Variants in SDK1 observed in about 807,000 individuals in gnomAD.
The protein encoded by SDK1 is protein sidekick-1.
In SDK1, 157 loss-of-function variants were observed where a neutral mutation model predicts 245.5. The observed-to-expected ratio is 0.64, with a 90% CI of 0.56 to 0.73. The LOEUF is 0.73. SDK1 is among the 30% of genes least tolerant of loss of function. SDK1 has a pLI of 0.00. For missense variants in SDK1, 3,583 were observed against 3,002.3 expected, an observed-to-expected ratio of 1.19 and a Z score of -4.52; for synonymous variants, 1,647 against 1,278.5, an observed-to-expected ratio of 1.29 and a Z score of -6.15.
At chr7:3,667,192 A>G (rs563277483) in intron 4 of SDK1, among the ~76,000 whole-genome samples, 1 of 152,332 alleles carries the variant, frequency 6.6e-6, no homozygotes, top group East Asian at 1.9e-4. Context: ...TTTGAGAAAT[A>G]CATGTCCATG....
intron 4 of SDK1, among the ~76,000 whole-genome samples, chr7:3,692,488 A>C (rs1784463514): frequency 6.6e-6 from 1 of 151,956 alleles, no homozygotes; most frequent in African/African-American, 2.4e-5. Context: ...TTTCAATAAC[A>C]TATTTTAAGC....
intron 1 of SDK1, among the ~76,000 whole-genome samples, chr7:3,589,113 T>TA (rs1780778559): frequency 1.3e-5 from 2 of 152,244 alleles, no homozygotes; most frequent in Admixed American, 6.5e-5. Flanking sequence ...ACCCCCTTTT[T>TA]AGAGATTTGG....
rs1788250290 is a variant in SDK1 at position 4,036,770 on chromosome 7, C to G, written c.2603-12578C>G. On this transcript the variant is annotated intron_variant, in intron 17 of 44. Coordinates refer to ENST00000404826, the MANE Select transcript of SDK1 (RefSeq NM_152744.4). ...CATATGAGATTACAGTTAGAAGGCACCATCTCTAAGAAAACAGGCCCTCAC... is the reference window on the plus strand; with the variant it reads ...CATATGAGATTACAGTTAGAAGGCAGCATCTCTAAGAAAACAGGCCCTCAC... Among the ~76,000 whole-genome samples, 5 of 152,114 alleles carry G rather than the reference C, an allele frequency of 3.3e-5. No homozygotes were observed. In the South Asian group the frequency reaches 8.3e-4, roughly 25 times the overall value.
chr7:3,895,608 C>G (rs780435069), intron 5 of SDK1, among the ~76,000 whole-genome samples: 1 of 151,746 alleles, frequency 6.6e-6, no homozygotes, highest in Non-Finnish European at 1.5e-5. Context: ...CCCCCTTTCT[C>G]TTTCCACTCC....
chr7:3,950,816 T>C, intron 5 of SDK1, 107 bp from the exon 6 acceptor site: 1 of 746,736 alleles, frequency 1.3e-6, no homozygotes, highest in Admixed American at 2.2e-5. Flanking sequence ...GGTACTCTCT[T>C]TGGTTTTAGG....
intron 4 of SDK1, among the ~76,000 whole-genome samples, chr7:3,642,608 A>G (rs1479227227): frequency 1.3e-5 from 2 of 152,100 alleles, no homozygotes; most frequent in African/African-American, 4.8e-5. Context: ...CTCTTCATCT[A>G]ATTAGTGGTT....
intron 1 of SDK1, among the ~76,000 whole-genome samples, chr7:3,493,349 C>A (rs1018104905): frequency 1.3e-5 from 2 of 152,218 alleles, no homozygotes; most frequent in Admixed American, 6.5e-5. Flanking sequence ...AACTCTACCT[C>A]AGTTTTTAAT....
intron 1 of SDK1, among the ~76,000 whole-genome samples, chr7:3,345,898 C>T (rs1224989924): frequency 2.6e-5 from 4 of 152,146 alleles, no homozygotes; most frequent in Non-Finnish European, 5.9e-5. Flanking sequence ...GGTAGTCAGG[C>T]GTTCAGTCTG....
intron 1 of SDK1, among the ~76,000 whole-genome samples, chr7:3,353,801 G>A (rs1325488198): frequency 7.0e-6 from 1 of 143,286 alleles, no homozygotes; most frequent in Non-Finnish European, 1.6e-5. Flanking sequence ...TCATCTAGAA[G>A]ATCACTAGAA....
At chr7:3,422,770 T>C (rs1302818685) in intron 1 of SDK1, among the ~76,000 whole-genome samples, 1 of 152,128 alleles carries the variant, frequency 6.6e-6, no homozygotes, top group Non-Finnish European at 1.5e-5. Context: ...GTACTTAGGA[T>C]GTGGGAGAGG....
intron 1 of SDK1, among the ~76,000 whole-genome samples, chr7:3,382,026 CTG>C (rs1562452899): frequency 6.6e-6 from 1 of 152,200 alleles, no homozygotes; most frequent in East Asian, 1.9e-4. Flanking sequence ...ATGCCCTACT[CTG>C]TCTCAGTCAA....
intron 1 of SDK1, among the ~76,000 whole-genome samples, chr7:3,566,127 G>T (rs1779908348): frequency 6.6e-6 from 1 of 151,890 alleles, no homozygotes; most frequent in African/African-American, 2.4e-5. Flanking sequence ...TTATTCTCTT[G>T]GAGGTAGTCG....
chr7:4,147,359 C>T (rs1780049894), intron 29 of SDK1, among the ~76,000 whole-genome samples: 1 of 152,206 alleles, frequency 6.6e-6, no homozygotes, highest in Non-Finnish European at 1.5e-5. Flanking sequence ...TCTGAAGAGA[C>T]AGAGTCTTGC....
chr7:3,971,413 A>G, intron 11 of SDK1, 53 bp from the exon 12 acceptor site: 1 of 1,285,410 alleles, frequency 7.8e-7, no homozygotes, highest in Non-Finnish European at 1.1e-6. Context: ...CCCTGAGGGC[A>G]GAAACTGTCA....
rs531452319 is a variant in SDK1 at position 4,022,235 on chromosome 7, A to G, written c.2602+4883A>G. On this transcript the variant is annotated intron_variant, in intron 17 of 44. Transcript: ENST00000404826. ...GGAATGTCTACAAAGAGAATTCGACAGCATGTCAGAGAGCATGCAGAAGGC... is the reference window on the plus strand; with the variant it reads ...GGAATGTCTACAAAGAGAATTCGACGGCATGTCAGAGAGCATGCAGAAGGC... Among the ~76,000 whole-genome samples, 9 of 152,366 alleles carry G rather than the reference A, an allele frequency of 5.9e-5. No homozygotes were observed. The South Asian group carries it at 1.7e-3, about 28-fold the overall frequency.
chr7:4,259,234 T>A (rs151002592), intron 44 of SDK1, among the ~76,000 whole-genome samples: 37 of 152,134 alleles, frequency 2.4e-4, no homozygotes, highest in African/African-American at 7.2e-4. Flanking sequence ...AGGTCAGGAG[T>A]TCGAGACCAG....
intron 2 of SDK1, 41 bp from the exon 3 acceptor site, chr7:3,638,963 A>T (rs765881092): frequency 8.0e-7 from 1 of 1,247,014 alleles, no homozygotes; most frequent in Admixed American, 1.9e-5. Context: ...ACCATGAAAC[A>T]CTGGATATAA....
intron 35 of SDK1, among the ~76,000 whole-genome samples, chr7:4,194,347 G>GTATGCACGTATGTGTATACATGTATTC (rs1562415871): frequency 9.5e-6 from 1 of 105,222 alleles, no homozygotes; most frequent in African/African-American, 4.5e-5. Flanking sequence ...TACATGTATA[G>GTATGCACGTATGTGTATACATGTATTC]ATATATGTAT....
intron 1 of SDK1, among the ~76,000 whole-genome samples, chr7:3,450,008 C>A (rs143017362): frequency 6.6e-6 from 1 of 152,114 alleles, no homozygotes; most frequent in African/African-American, 2.4e-5. Context: ...GTGGTCACAT[C>A]GGAGCTGCGC....
Sources: gnomAD v4.1 joint callset for allele counts (sites outside exome capture counted in the v4.1 genomes callset) on GRCh38, gnomAD v4.1.1 for gene constraint, MANE v1.5 for transcripts, NCBI Gene and HGNC (gene_info 2026-07-23, HGNC 2026-07-21) for gene names.